Variants in LRMDA observed in about 807,000 individuals in gnomAD.
The protein encoded by LRMDA is leucine-rich melanocyte differentiation-associated protein.
In LRMDA, 18 loss-of-function variants were observed where a neutral mutation model predicts 29.8. That is an observed-to-expected ratio of 0.60 (90% confidence interval 0.42 to 0.90). The LOEUF is 0.90. Ranked by LOEUF, LRMDA falls within the 40% of genes least tolerant of loss-of-function variation. The pLI is 0.00. For synonymous variants in LRMDA, 125 were observed against 109.4 expected, an observed-to-expected ratio of 1.14 and a Z score of -0.89; for missense variants, 273 against 273.9, an observed-to-expected ratio of 1.00 and a Z score of 0.02.
intron 2 of LRMDA, among the ~76,000 whole-genome samples, chr10:75,513,338 T>A (rs1845249864): frequency 6.6e-6 from 1 of 152,228 alleles, no homozygotes; most frequent in Non-Finnish European, 1.5e-5. Flanking sequence ...GCTTTCTTAT[T>A]TGCACAGATG....
At chr10:76,077,253 G>A (rs1023827031) in intron 5 of LRMDA, among the ~76,000 whole-genome samples, 1 of 152,188 alleles carries the variant, frequency 6.6e-6, no homozygotes, top group African/African-American at 2.4e-5. Context: ...CCTACTTAGA[G>A]GTGATGGCGA....
chr10:76,306,070 G>A (rs960054773), intron 5 of LRMDA, among the ~76,000 whole-genome samples: 1 of 152,170 alleles, frequency 6.6e-6, no homozygotes, highest in African/African-American at 2.4e-5. Flanking sequence ...GAAAAGTTAA[G>A]TTCTTATCTA....
Position 76,136,058 on chromosome 10 carries a change from C to A in LRMDA, c.516+77275C>A, listed in dbSNP as rs111989935. The stretch of plus-strand genomic sequence containing the variant: ...GTGTCATGTCTGATCTAAGAGTGGG[C>A]ATATAGTAACTACTTGATAAATATT... On this transcript the variant is annotated intron_variant, in intron 5 of 6. Coordinates refer to ENST00000611255, the MANE Select transcript of LRMDA (RefSeq NM_001305581.2). 3.3e-5 allele frequency among the ~76,000 whole-genome samples: 5 copies of A among 152,182 alleles called. 1 individual carries two copies. The highest frequency in any genetic ancestry group is 1.2e-4 in the African/African-American group (5 of 41,522).
chr10:76,140,916 G>A (rs1363754977), intron 5 of LRMDA, among the ~76,000 whole-genome samples: 1 of 152,012 alleles, frequency 6.6e-6, no homozygotes, highest in East Asian at 1.9e-4. Flanking sequence ...AGAAACTATT[G>A]CCTATTTACA....
chr10:75,923,127 C>G (rs961303478), intron 2 of LRMDA, among the ~76,000 whole-genome samples: 2 of 152,358 alleles, frequency 1.3e-5, no homozygotes, highest in African/African-American at 4.8e-5. Context: ...CTACCTTTTA[C>G]TTCCTTAGTA....
intron 5 of LRMDA, among the ~76,000 whole-genome samples, chr10:76,278,110 T>C (rs1840158948): frequency 1.3e-5 from 2 of 152,188 alleles, no homozygotes; most frequent in African/African-American, 4.8e-5. Context: ...TTAATGAGAA[T>C]TTTTCGGATT....
At chr10:75,493,081 C>T (rs1219081681) in intron 2 of LRMDA, among the ~76,000 whole-genome samples, 1 of 151,996 alleles carries the variant, frequency 6.6e-6, no homozygotes, top group East Asian at 1.9e-4. Flanking sequence ...TTTAAAAGCT[C>T]TTCAAGCACA....
chr10:76,466,724 C>A (rs1335907206), intron 6 of LRMDA, among the ~76,000 whole-genome samples: 1 of 151,984 alleles, frequency 6.6e-6, no homozygotes, highest in African/African-American at 2.4e-5. Flanking sequence ...CCTGGGAGTT[C>A]GAGACTGCAG....
intron 6 of LRMDA, among the ~76,000 whole-genome samples, chr10:76,358,309 T>A (rs913513696): frequency 6.6e-6 from 1 of 152,178 alleles, no homozygotes; most frequent in Non-Finnish European, 1.5e-5. Context: ...GAATACAGAA[T>A]CATAATTGTC....
intron 5 of LRMDA, among the ~76,000 whole-genome samples, chr10:76,316,005 CT>C (rs912834951): frequency 1.3e-5 from 2 of 152,172 alleles, no homozygotes; most frequent in Non-Finnish European, 2.9e-5. Flanking sequence ...CCTTGCTCAC[CT>C]TCCAGTTGTC....
chr10:76,345,263 G>T (rs1483707231), intron 6 of LRMDA, among the ~76,000 whole-genome samples: 1 of 149,166 alleles, frequency 6.7e-6, no homozygotes, highest in Admixed American at 6.7e-5. Context: ...TAGTAGAGAC[G>T]GGGTTTCACC....
intron 6 of LRMDA, among the ~76,000 whole-genome samples, chr10:76,531,288 A>G (rs1272477813): frequency 6.6e-6 from 1 of 152,196 alleles, no homozygotes; most frequent in Non-Finnish European, 1.5e-5. Flanking sequence ...CTATGGTACA[A>G]GAGACTCGGA....
chr10:75,844,337 A>G (rs1379406953), intron 2 of LRMDA, among the ~76,000 whole-genome samples: 1 of 152,162 alleles, frequency 6.6e-6, no homozygotes, highest in African/African-American at 2.4e-5. Flanking sequence ...GAGAACTATT[A>G]TGTTAAATTG....
intron 2 of LRMDA, among the ~76,000 whole-genome samples, chr10:75,835,234 C>T (rs910822533): frequency 4.6e-5 from 7 of 152,146 alleles, no homozygotes; most frequent in African/African-American, 7.2e-5. Context: ...AATCTGTTTC[C>T]TGTGCATTCC....
Position 76,363,793 on chromosome 10 carries a change from C to T in LRMDA, c.601+39308C>T, listed in dbSNP as rs140418761. 1.2e-4 allele frequency among the ~76,000 whole-genome samples: 19 copies of T among 152,058 alleles called. No homozygotes were observed. The East Asian group carries it at 1.4e-3, about 11-fold the overall frequency. Reference sequence around the variant, plus strand: ...TTTGGGTTAAGTCAAACAAAATGACCGTAACTACGTTGTTTTGAGCTTACA... The same window carrying T: ...TTTGGGTTAAGTCAAACAAAATGACTGTAACTACGTTGTTTTGAGCTTACA... On this transcript the variant is annotated intron_variant, in intron 6 of 6. Coordinates refer to ENST00000611255, the MANE Select transcript of LRMDA (RefSeq NM_001305581.2).
chr10:75,860,082 C>T (rs867003442), intron 2 of LRMDA, among the ~76,000 whole-genome samples: 3 of 151,982 alleles, frequency 2.0e-5, no homozygotes, highest in South Asian at 2.1e-4. Flanking sequence ...TATTCTGTTC[C>T]GTTGATCTAT....
intron 2 of LRMDA, among the ~76,000 whole-genome samples, chr10:75,750,911 G>T (rs1216915322): frequency 2.0e-5 from 3 of 152,136 alleles, no homozygotes; most frequent in African/African-American, 7.2e-5. Context: ...TCCCAGACGG[G>T]GTGGCGGCCG....
intron 5 of LRMDA, among the ~76,000 whole-genome samples, chr10:76,228,873 T>C (rs1476103860): frequency 6.6e-6 from 1 of 152,240 alleles, no homozygotes; most frequent in Non-Finnish European, 1.5e-5. Flanking sequence ...CACTTGAGTT[T>C]TGGGCAAGGC....
intron 6 of LRMDA, among the ~76,000 whole-genome samples, chr10:76,450,043 C>T (rs1842390976): frequency 6.6e-6 from 1 of 152,004 alleles, no homozygotes; most frequent in Non-Finnish European, 1.5e-5. Flanking sequence ...CTATTGCAGT[C>T]TTGATTTCAC....
Sources: gnomAD v4.1 joint callset for allele counts (sites outside exome capture counted in the v4.1 genomes callset) on GRCh38, gnomAD v4.1.1 for gene constraint, MANE v1.5 for transcripts, NCBI Gene and HGNC (gene_info 2026-07-23, HGNC 2026-07-21) for gene names.